The following ABR variants were observed in gnomAD, a reference collection of about 807,000 sequenced individuals.
The protein encoded by ABR is ABR activator of RhoGEF and GTPase.
A neutral mutation model predicts 107.2 loss-of-function variants in ABR; 35 were observed. The observed-to-expected ratio is 0.33, with a 90% CI of 0.25 to 0.43. The LOEUF (loss-of-function observed/expected upper bound fraction) is 0.43, where lower values mean the gene tolerates loss of function less well. ABR is among the 20% of genes least tolerant of loss of function. ABR has a pLI of 1.00. For missense variants in ABR, 815 were observed against 1,115.2 expected, an observed-to-expected ratio of 0.73 and a Z score of 3.83; for synonymous variants, 498 against 462.0, an observed-to-expected ratio of 1.08 and a Z score of -1.00.
rs2070542196 is a variant in ABR at position 1,011,495 on chromosome 17, C to G, written c.2101+351G>C. ...CAGAGGGGACCTGGGGCCCTGGAGA[C>G]AGCAGGTGCAGGCTCAAAGCTCTTT... is the stretch of plus-strand genomic sequence containing the variant. On this transcript the variant is annotated intron_variant, in intron 19 of 22. Transcript: ENST00000302538. The surrounding 1 kb of genome is among the most constrained non-coding windows in gnomAD (Gnocchi z 4.8). 1 of 183,768 alleles carries G rather than the reference C, an allele frequency of 5.4e-6. No individual in the cohort carries two copies. The highest frequency in any genetic ancestry group is 1.5e-4 in the South Asian group (1 of 6,468). 11.4% of individuals were successfully genotyped at this position (183,768 alleles called of 1,614,324 possible). A position where few individuals can be genotyped will look rare whatever the true frequency, so the allele number is the denominator to read the frequency against.
At position 1,150,005 on chromosome 17, in the gene ABR, G is replaced by T. The variant is rs756744970; in HGVS notation, c.62-24638C>A. On this transcript the variant is annotated intron_variant, in intron 1 of 22. Transcript: ENST00000302538. The surrounding 1 kb of genome is among the most constrained non-coding windows in gnomAD (Gnocchi z 4.8). Reference sequence around the variant, plus strand: ...AAGTTCTAAGAACAGGGCCTGGCACGTGGTATAACGTTAGTGGCTGTTATT... The same window carrying T: ...AAGTTCTAAGAACAGGGCCTGGCACTTGGTATAACGTTAGTGGCTGTTATT... Among the ~76,000 whole-genome samples, 1 of 152,212 alleles carries T rather than the reference G, an allele frequency of 6.6e-6. No homozygotes were observed. Among genetic ancestry groups the T allele is most frequent in the African/African-American group, 2.4e-5 (1 of 41,446 alleles).
At chr17:1,013,339 G>A (rs1255656998) in intron 16 of ABR, 175 bp from the exon 17 acceptor site, 3 of 668,576 alleles carry the variant, frequency 4.5e-6, no homozygotes, top group Non-Finnish European at 7.6e-6. Flanking sequence ...CTAGCCCCCA[G>A]GCCCCTGTGG....
At chr17:1,116,866 G>A (rs537063870) in intron 2 of ABR, among the ~76,000 whole-genome samples, 116 of 152,310 alleles carry the variant, frequency 7.6e-4, no homozygotes, top group Non-Finnish European at 1.3e-3. Context: ...ATCCAGGAAG[G>A]GGAGAAATGC....
rs554952123 is a variant in ABR at position 1,092,183 on chromosome 17, C to T, written c.346-333G>A. Among the ~76,000 whole-genome samples, 237 of 152,306 alleles carry T rather than the reference C, an allele frequency of 1.6e-3. 1 individual carries two copies. The highest frequency in any genetic ancestry group is 2.8e-3 in the Non-Finnish European group (191 of 68,014). The stretch of plus-strand genomic sequence containing the variant: ...CTTTCTTCCACGATAGCCTGTGCCC[C>T]GAGTCATAAGCTCCTTGTCACACTT... On this transcript the variant is annotated intron_variant, in intron 3 of 22. Transcript: ENST00000302538. The surrounding 1 kb of genome is among the most constrained non-coding windows in gnomAD (Gnocchi z 4.6).
intron 16 of ABR, chr17:1,031,682 C>G (rs1282026725): frequency 8.0e-7 from 1 of 1,256,112 alleles, no homozygotes; most frequent in East Asian, 3.2e-5. Context: ...ACTCCTCCAG[C>G]GCCAGGGGTT....
At chr17:1,216,709 T>G (rs1460402791) in intron 1 of ABR, among the ~76,000 whole-genome samples, 1 of 152,216 alleles carries the variant, frequency 6.6e-6, no homozygotes, top group African/African-American at 2.4e-5. Flanking sequence ...CAGCTGTCTC[T>G]AAGGACTGCG....
At chr17:1,047,031 G>A (rs2151009101) in intron 16 of ABR, among the ~76,000 whole-genome samples, 1 of 152,338 alleles carries the variant, frequency 6.6e-6, no homozygotes, top group South Asian at 2.1e-4. Context: ...GCGACCCAGA[G>A]TGGGGGCCTC....
chr17:1,174,887 T>C (rs2041865353), intron 1 of ABR, among the ~76,000 whole-genome samples: 1 of 152,166 alleles, frequency 6.6e-6, no homozygotes, highest in East Asian at 1.9e-4. Flanking sequence ...ATGATCAACC[T>C]GCCTGGGGCA....
intron 16 of ABR, among the ~76,000 whole-genome samples, chr17:1,049,318 C>T (rs1022892915): frequency 1.3e-5 from 2 of 152,136 alleles, no homozygotes; most frequent in Non-Finnish European, 2.9e-5. Flanking sequence ...CAGGCGCCCG[C>T]CACCACGACC....
At chr17:1,228,014 G>C (rs903700170) in intron 1 of ABR, 20 of 152,278 alleles carry the variant, frequency 1.3e-4, no homozygotes, top group Non-Finnish European at 8.8e-5. Flanking sequence ...GATGACAGGA[G>C]ACCCGGTGAA....
chr17:1,140,502 G>A (rs1372501540), intron 1 of ABR, among the ~76,000 whole-genome samples: 1 of 152,210 alleles, frequency 6.6e-6, no homozygotes, highest in Admixed American at 6.5e-5. Flanking sequence ...GGCAATTTCA[G>A]CAGGGATGGT....
chr17:1,058,677 G>T lies in ABR; in HGVS notation c.1305+68C>A, dbSNP rs566187553. On this transcript the variant is annotated intron_variant, in intron 11 of 22. Coordinates refer to ENST00000302538, the MANE Select transcript of ABR (RefSeq NM_021962.5). ...TCCGGTTCGTACAGGTCAGGGCCAG[G>T]AGCCACAGAGTGGGCTGCTCTGGAC... The T allele has an allele frequency of 3.2e-6, 5 of 1,576,276 alleles. No homozygotes were observed. The East Asian group carries it at 9.1e-5, about 29-fold the overall frequency.
intron 16 of ABR, among the ~76,000 whole-genome samples, chr17:1,016,171 GA>G: frequency 6.6e-6 from 1 of 152,146 alleles, no homozygotes; most frequent in Non-Finnish European, 1.5e-5. Flanking sequence ...ACCTATTACT[GA>G]AAATTACTTG....
At chr17:1,103,434 TC>T (rs2038039733) in intron 2 of ABR, among the ~76,000 whole-genome samples, 1 of 152,158 alleles carries the variant, frequency 6.6e-6, no homozygotes, top group Non-Finnish European at 1.5e-5. Context: ...TCCCTCCTGT[TC>T]CCTGCCAACC....
At chr17:1,186,143 T>C (rs1484880917) in intron 1 of ABR, among the ~76,000 whole-genome samples, 4 of 152,176 alleles carry the variant, frequency 2.6e-5, no homozygotes, top group African/African-American at 9.7e-5. Flanking sequence ...GGCCAGCATT[T>C]ACTATTCTAA....
intron 2 of ABR, among the ~76,000 whole-genome samples, chr17:1,109,662 C>A (rs1165017033): frequency 2.0e-5 from 3 of 151,926 alleles, no homozygotes; most frequent in African/African-American, 7.2e-5. Context: ...AGTCCCCATG[C>A]GCCGGAGCCC....
chr17:1,123,643 C>CGCAGCATCTTCCT (rs1343432105), intron 2 of ABR, among the ~76,000 whole-genome samples: 2 of 152,230 alleles, frequency 1.3e-5, no homozygotes, highest in Non-Finnish European at 2.9e-5. Context: ...ACCGGGATTC[C>CGCAGCATCTTCCT]GCAGCATCTT....
chr17:1,079,105 A>G, intron 6 of ABR: 1 of 1,436,472 alleles, frequency 7.0e-7, no homozygotes, highest in South Asian at 1.5e-5. Flanking sequence ...CATCCTAAAG[A>G]GGAGCACGTT....
At chr17:1,013,072 T>C in intron 17 of ABR, 33 bp downstream of exon 17, 1 of 1,612,140 alleles carries the variant, frequency 6.2e-7, no homozygotes, top group Non-Finnish European at 8.5e-7. Flanking sequence ...ACCTCCCGGC[T>C]CACGCCACTG....
Sources: gnomAD v4.1 joint callset for allele counts (sites outside exome capture counted in the v4.1 genomes callset) on GRCh38, gnomAD v4.1.1 for gene constraint, Gnocchi (gnomAD v3.1) non-coding constraint, MANE v1.5 for transcripts, NCBI Gene and HGNC (gene_info 2026-07-23, HGNC 2026-07-21) for gene names.